Variants in SDK1 observed in about 807,000 individuals in gnomAD.
SDK1 encodes sidekick cell adhesion molecule 1, also known as protein sidekick-1.
A neutral mutation model predicts 245.5 loss-of-function variants in SDK1; 157 were observed. The observed-to-expected ratio is 0.64, with a 90% CI of 0.56 to 0.73. SDK1 has a LOEUF of 0.73. Among genes scored for constraint, SDK1 ranks in the 30% least tolerant of loss-of-function variants. The pLI, the probability that SDK1 is intolerant of heterozygous loss-of-function variation, is 0.00. For synonymous variants in SDK1, 1,647 were observed against 1,278.5 expected, an observed-to-expected ratio of 1.29 and a Z score of -6.15; for missense variants, 3,583 against 3,002.3, an observed-to-expected ratio of 1.19 and a Z score of -4.52.
chr7:4,238,638 T>C (rs1169716866), intron 42 of SDK1, among the ~76,000 whole-genome samples: 1 of 151,154 alleles, frequency 6.6e-6, no homozygotes, highest in African/African-American at 2.4e-5. Context: ...AACCTCCACC[T>C]CCTGGGTTCA....
intron 1 of SDK1, among the ~76,000 whole-genome samples, chr7:3,476,305 A>G (rs1781346351): frequency 6.6e-6 from 1 of 152,182 alleles, no homozygotes; most frequent in African/African-American, 2.4e-5. Context: ...TTTGCTGTTT[A>G]TACATAGACA....
chr7:3,600,838 G>T (rs1472775908), intron 1 of SDK1, among the ~76,000 whole-genome samples: 1 of 152,110 alleles, frequency 6.6e-6, no homozygotes, highest in Non-Finnish European at 1.5e-5. Flanking sequence ...ATTAGCCACC[G>T]TGCCTGGCCA....
chr7:3,966,749 G>T (rs577177131), intron 9 of SDK1, among the ~76,000 whole-genome samples: 1 of 151,888 alleles, frequency 6.6e-6, no homozygotes, highest in Non-Finnish European at 1.5e-5. Flanking sequence ...ACAGTGGCAC[G>T]ATCATCACTC....
At chr7:4,223,929 C>T (rs1367560939) in intron 40 of SDK1, among the ~76,000 whole-genome samples, 1 of 152,212 alleles carries the variant, frequency 6.6e-6, no homozygotes, top group African/African-American at 2.4e-5. Flanking sequence ...TGTAGACTCT[C>T]TGCTGGACCT....
At chr7:3,620,834 C>T (rs568417512) in intron 2 of SDK1, among the ~76,000 whole-genome samples, 1 of 152,062 alleles carries the variant, frequency 6.6e-6, no homozygotes, top group African/African-American at 2.4e-5. Flanking sequence ...TCCCATTACC[C>T]ACCCACACTT....
In SDK1 at chr7:3,945,989, G is replaced by A. The variant is rs1333815000; in HGVS notation, c.848-4934G>A. Among the ~76,000 whole-genome samples the A allele has an allele frequency of 3.2e-5, 4 of 124,716 alleles. 1 individual carries two copies. In the Admixed American group the frequency reaches 3.4e-4, roughly 11 times the overall value. The allele number at this position is 124,716 out of a possible 152,430, so 81.8% of individuals were successfully genotyped here. ...AAAAAAAGGAAAATATTGGAAAAAAGTAAGAAGCATGTTGAATCAATCCAG... is the reference window on the plus strand; with the variant it reads ...AAAAAAAGGAAAATATTGGAAAAAAATAAGAAGCATGTTGAATCAATCCAG... On this transcript the variant is annotated intron_variant, in intron 5 of 44. Coordinates refer to ENST00000404826, the MANE Select transcript of SDK1 (RefSeq NM_152744.4).
intron 1 of SDK1, among the ~76,000 whole-genome samples, chr7:3,463,719 T>TC (rs1780903440): frequency 6.6e-6 from 1 of 152,156 alleles, no homozygotes; most frequent in Non-Finnish European, 1.5e-5. Context: ...CTCATTCATT[T>TC]CCCCCTCTCT....
At chr7:4,052,305 C>T (rs1219246275) in intron 19 of SDK1, among the ~76,000 whole-genome samples, 1 of 151,822 alleles carries the variant, frequency 6.6e-6, no homozygotes, top group East Asian at 1.9e-4. Context: ...TCTCTGCTCA[C>T]AGGCCAGCTG....
chr7:3,681,968 A>G (rs892962016), intron 4 of SDK1, among the ~76,000 whole-genome samples: 1 of 152,200 alleles, frequency 6.6e-6, no homozygotes, highest in Non-Finnish European at 1.5e-5. Context: ...GGTCTCTGAG[A>G]GCATAACATA....
intron 1 of SDK1, among the ~76,000 whole-genome samples, chr7:3,340,949 C>T (rs966741434): frequency 9.2e-5 from 14 of 152,034 alleles, no homozygotes; most frequent in African/African-American, 2.9e-4. Flanking sequence ...GAATTAACAC[C>T]ACTTTTATTC....
chr7:4,136,261 C>T (rs779313078), intron 28 of SDK1, among the ~76,000 whole-genome samples: 2 of 152,190 alleles, frequency 1.3e-5, no homozygotes, highest in Non-Finnish European at 2.9e-5. Flanking sequence ...TGGGTCATTA[C>T]AGCCGGCACA....
At chr7:3,400,114 G>C (rs1778847991) in intron 1 of SDK1, among the ~76,000 whole-genome samples, 2 of 151,680 alleles carry the variant, frequency 1.3e-5, no homozygotes, top group Admixed American at 6.6e-5. Flanking sequence ...AACTGGGTCT[G>C]CTCCCTCTGG....
chr7:4,012,457 A>G (rs1786055873), intron 16 of SDK1, among the ~76,000 whole-genome samples: 2 of 149,590 alleles, frequency 1.3e-5, no homozygotes, highest in Admixed American at 6.7e-5. Context: ...ACCATAAATG[A>G]CACACACAAA....
rs967168080 is a variant in SDK1 at position 3,610,863 on chromosome 7, C to T, written c.299-8217C>T. ...GGGACCCTCCTGCTTTCTCTGTTTT[C>T]ACATGGACTGACTCAAATATGGAGA... On this transcript the variant is annotated intron_variant, in intron 1 of 44. Coordinates refer to ENST00000404826, the MANE Select transcript of SDK1 (RefSeq NM_152744.4). Among the ~76,000 whole-genome samples, 35 of 152,218 alleles carry T rather than the reference C, an allele frequency of 2.3e-4. 1 individual carries two copies. Among genetic ancestry groups the T allele is most frequent in the Non-Finnish European group, 1.5e-5 (1 of 68,040 alleles).
At chr7:4,211,196 C>G (rs1191447242) in intron 38 of SDK1, among the ~76,000 whole-genome samples, 1 of 152,224 alleles carries the variant, frequency 6.6e-6, no homozygotes, top group African/African-American at 2.4e-5. Context: ...CTCCACACTT[C>G]CTAGATCAAC....
chr7:3,747,587 A>T (rs1021135714), intron 4 of SDK1, among the ~76,000 whole-genome samples: 2 of 152,240 alleles, frequency 1.3e-5, no homozygotes. Context: ...AAACAGGAAG[A>T]CAAGCATTAA....
intron 1 of SDK1, among the ~76,000 whole-genome samples, chr7:3,505,169 T>C (rs553937707): frequency 3.7e-4 from 56 of 152,334 alleles, no homozygotes; most frequent in African/African-American, 1.2e-3. Flanking sequence ...CAATTGAATA[T>C]TTTAAAATAT....
chr7:3,784,567 T>C (rs1780843088), intron 4 of SDK1, among the ~76,000 whole-genome samples: 1 of 152,238 alleles, frequency 6.6e-6, no homozygotes, highest in Admixed American at 6.5e-5. Context: ...AATAGACATT[T>C]CTCAAAAGAA....
chr7:4,228,430 C>G (rs1785562847), intron 40 of SDK1, among the ~76,000 whole-genome samples: 1 of 152,232 alleles, frequency 6.6e-6, no homozygotes, highest in Non-Finnish European at 1.5e-5. Context: ...AAGTTCAAAC[C>G]CTGGGCCTCA....
Sources: gnomAD v4.1 joint callset for allele counts (sites outside exome capture counted in the v4.1 genomes callset) on GRCh38, gnomAD v4.1.1 for gene constraint, MANE v1.5 for transcripts, NCBI Gene and HGNC (gene_info 2026-07-23, HGNC 2026-07-21) for gene names.